The following RTN1 variants were observed in gnomAD, a reference collection of about 807,000 sequenced individuals.
The protein encoded by RTN1 is reticulon 1.
In RTN1, 25 loss-of-function variants were observed where a neutral mutation model predicts 65.5. The observed-to-expected ratio is 0.38, with a 90% confidence interval of 0.28 to 0.53. The LOEUF is 0.53. RTN1 is among the 20% of genes least tolerant of loss of function. The probability of loss-of-function intolerance (pLI) is 0.79; values close to 1 mark genes in which losing one functional copy is unlikely to be tolerated. For synonymous variants in RTN1, 471 were observed against 447.6 expected (o/e 1.05, Z -0.66); for missense variants, 983 against 1,025.4 (o/e 0.96, Z 0.57).
chr14:59,817,665 G>A (rs1886847317), intron 1 of RTN1, among the ~76,000 whole-genome samples: 2 of 150,980 alleles, frequency 1.3e-5, no homozygotes, highest in Non-Finnish European at 2.9e-5. Context: ...TGAAGAGCAA[G>A]TCTGCTGGAT....
intron 1 of RTN1, among the ~76,000 whole-genome samples, chr14:59,796,616 T>C (rs1454201562): frequency 2.0e-5 from 3 of 152,180 alleles, no homozygotes; most frequent in Non-Finnish European, 4.4e-5. Flanking sequence ...TCTCACACCT[T>C]CATAGCTTTA....
At chr14:59,643,969 A>C (rs1395236782) in intron 3 of RTN1, among the ~76,000 whole-genome samples, 1 of 152,204 alleles carries the variant, frequency 6.6e-6, no homozygotes, top group Middle Eastern at 3.2e-3. Flanking sequence ...AGCTACTATG[A>C]ATATGTTCAA....
intron 3 of RTN1, among the ~76,000 whole-genome samples, chr14:59,644,503 G>A (rs8022717): frequency 0.4 from 61,277 of 151,990 alleles, 12,938 homozygotes; most frequent in African/African-American, 0.51. Flanking sequence ...TCAGGCACAC[G>A]TGGAGCCCCG....
At chr14:59,600,394 TA>T (rs1014206239) in intron 8 of RTN1, among the ~76,000 whole-genome samples, 2 of 152,178 alleles carry the variant, frequency 1.3e-5, no homozygotes, top group South Asian at 4.1e-4. Context: ...AATTTACAGA[TA>T]AGGAAATAGG....
At chr14:59,777,235 TC>T (rs1400644154) in intron 1 of RTN1, among the ~76,000 whole-genome samples, 3 of 152,212 alleles carry the variant, frequency 2.0e-5, no homozygotes, top group Non-Finnish European at 4.4e-5. Flanking sequence ...TGATGATTCA[TC>T]ATCTTCTCTT....
At chr14:59,608,414 G>C (rs899927690) in intron 3 of RTN1, among the ~76,000 whole-genome samples, 9 of 152,210 alleles carry the variant, frequency 5.9e-5, no homozygotes, top group African/African-American at 2.2e-4. Context: ...AAGTGATCAG[G>C]TTGAAGAGAG....
chr14:59,755,198 A>G (rs144183315), intron 1 of RTN1, among the ~76,000 whole-genome samples: 15 of 152,288 alleles, frequency 9.8e-5, no homozygotes, highest in African/African-American at 3.4e-4. Context: ...CAAATTATAC[A>G]AAAAGGTTTT....
At chr14:59,651,770 A>T (rs1469998058) in intron 3 of RTN1, among the ~76,000 whole-genome samples, 1 of 151,992 alleles carries the variant, frequency 6.6e-6, no homozygotes, top group Non-Finnish European at 1.5e-5. Flanking sequence ...CCCCAAAAAA[A>T]CCCAACATAG....
At position 59,850,519 on chromosome 14, in the gene RTN1, A is replaced by C. The variant is rs74845052; in HGVS notation, c.241+19871T>G. Among the ~76,000 whole-genome samples the C allele has an allele frequency of 2.7e-3, 418 of 152,334 alleles. 7 individuals are homozygous for C. Among genetic ancestry groups the C allele is most frequent in the East Asian group, 0.02 (106 of 5,174 alleles). On this transcript the variant is annotated intron_variant, in intron 1 of 8. Transcript: ENST00000267484. ...AAGTTAAAAATCTTAAGCTATTTTA[A>C]ATTGAGGACCATATACATTTCGAAG...
intron 3 of RTN1, chr14:59,647,036 A>G (rs185686217): frequency 9.8e-5 from 15 of 153,536 alleles, no homozygotes; most frequent in Admixed American, 5.9e-4. Flanking sequence ...GCAAGGCCCA[A>G]TGGTATGCTG....
At chr14:59,844,215 T>A (rs1361482707) in intron 1 of RTN1, among the ~76,000 whole-genome samples, 1 of 152,162 alleles carries the variant, frequency 6.6e-6, no homozygotes, top group African/African-American at 2.4e-5. Context: ...CGAACTCACG[T>A]TGAAATTTAA....
At chr14:59,613,839 C>A (rs1299685847) in intron 3 of RTN1, among the ~76,000 whole-genome samples, 2 of 151,926 alleles carry the variant, frequency 1.3e-5, no homozygotes, top group African/African-American at 4.8e-5. Context: ...CTTATAAAAC[C>A]CCAGGAATTT....
rs764702294 is a variant in RTN1 at position 59,607,423 on chromosome 14, A to G, written c.1835T>C (p.Leu612Pro). Reference protein sequence around the residue: ...GIVFGSFLLLLFSLTQFSVVS... With the variant: ...GIVFGSFLLLPFSLTQFSVVS... ...CACGCTGAACTGGGTCAGGGAGAAG[A>G]GCAGCAGCAGGAAACTCCCAAACAC... The change falls in exon 4 of 9, where the codon CTC becomes CCC. Residue 612 changes from leucine (L) to proline (P), a missense_variant. By Grantham distance (98) the Leu-to-Pro change is moderately conservative (BLOSUM62 -3). Around this residue, in one of 2 missense-constraint regions of RTN1, gnomAD observed 165 missense variants for 223.6 expected, o/e 0.74. Coordinates refer to ENST00000267484, the MANE Select transcript of RTN1 (RefSeq NM_021136.3). 1.2e-6 allele frequency: 2 copies of G among 1,613,686 alleles called. No homozygotes were observed. The highest frequency in any genetic ancestry group is 2.2e-5 in the South Asian group (2 of 90,984).
intron 1 of RTN1, among the ~76,000 whole-genome samples, chr14:59,748,852 C>T (rs750987637): frequency 2.0e-5 from 3 of 151,826 alleles, no homozygotes; most frequent in African/African-American, 7.3e-5. Context: ...TGCAGTGGAG[C>T]GATCTTGGCT....
At chr14:59,681,628 C>T (rs1435904917) in intron 3 of RTN1, among the ~76,000 whole-genome samples, 2 of 152,140 alleles carry the variant, frequency 1.3e-5, no homozygotes, top group African/African-American at 4.8e-5. Flanking sequence ...AATCTCCAGC[C>T]TGGACCTAGC....
At chr14:59,680,245 A>G (rs1164198092) in intron 3 of RTN1, among the ~76,000 whole-genome samples, 1 of 151,934 alleles carries the variant, frequency 6.6e-6, no homozygotes, top group African/African-American at 2.4e-5. Flanking sequence ...AAAATAGACA[A>G]TTGTTGCTTA....
At chr14:59,689,905 A>G (rs1883924747) in intron 3 of RTN1, among the ~76,000 whole-genome samples, 1 of 152,224 alleles carries the variant, frequency 6.6e-6, no homozygotes, top group African/African-American at 2.4e-5. Flanking sequence ...TACACAATAG[A>G]AACTACAAAG....
chr14:59,728,248 T>A (rs1884822664), intron 2 of RTN1, among the ~76,000 whole-genome samples: 1 of 134,568 alleles, frequency 7.4e-6, no homozygotes, highest in Non-Finnish European at 1.5e-5. Flanking sequence ...AGAATCAGTA[T>A]CTTTTTTTTT....
chr14:59,635,283 CA>C (rs1377705174), intron 3 of RTN1, among the ~76,000 whole-genome samples: 4 of 152,116 alleles, frequency 2.6e-5, no homozygotes, highest in African/African-American at 9.7e-5. Context: ...ATGTAATCAT[CA>C]TCTTGAATTC....
Sources: allele counts gnomAD v4.1 joint callset (sites outside exome capture counted in the v4.1 genomes callset), GRCh38; gene constraint gnomAD v4.1.1; regional missense constraint gnomAD v4.1.1; transcripts MANE v1.5; gene names NCBI Gene and HGNC (gene_info 2026-07-23, HGNC 2026-07-21).